MMD2: variants seen among roughly 807,000 people sequenced by gnomAD.
The protein encoded by MMD2 is monocyte to macrophage differentiation factor 2.
MMD2 carries 30 observed loss-of-function variants against 33.5 expected under a neutral mutation model. That is an observed-to-expected ratio of 0.90 (90% CI 0.67 to 1.22). The LOEUF (loss-of-function observed/expected upper bound fraction) is 1.22. Ranked by LOEUF, MMD2 falls within the 50% of genes most tolerant of loss-of-function variation. MMD2 has a pLI of 0.00. For missense variants in MMD2, 364 were observed against 325.4 expected (o/e 1.12, Z -0.91); for synonymous variants, 129 against 123.0 (o/e 1.05, Z -0.32).
At chr7:4,937,410 G>C (rs1165215371) in intron 1 of MMD2, among the ~76,000 whole-genome samples, 1 of 149,988 alleles carries the variant, frequency 6.7e-6, no homozygotes, top group African/African-American at 2.5e-5. Flanking sequence ...AAGAAAAAAA[G>C]AAAGAAAAAG....
intron 1 of MMD2, among the ~76,000 whole-genome samples, chr7:4,934,293 AGGGTTTT>A (rs201478230): frequency 0.11 from 16,484 of 151,738 alleles, 1,159 homozygotes; most frequent in Admixed American, 0.22. Context: ...TAGCGGAGAC[AGGGTTTT>A]GCCATGTTGC....
chr7:4,953,442 C>A (rs1786303006), intron 1 of MMD2, among the ~76,000 whole-genome samples: 1 of 148,046 alleles, frequency 6.8e-6, no homozygotes, highest in African/African-American at 2.5e-5. Flanking sequence ...GAACCCTCAG[C>A]CTGAGTGGTT....
At position 4,940,321 on chromosome 7, in the gene MMD2, G is replaced by A. The variant is rs1785871476; in HGVS notation, c.48-14789C>T. 1.3e-5 allele frequency among the ~76,000 whole-genome samples: 2 copies of A among 152,152 alleles called. No homozygotes were observed. The highest frequency in any genetic ancestry group is 4.1e-4 in the South Asian group (2 of 4,832). On this transcript the variant is annotated intron_variant, in intron 1 of 6. Transcript: ENST00000401401. The surrounding 1 kb of genome is among the most constrained non-coding windows in gnomAD (Gnocchi z 5.0). ...CTCTCTCTGGCCTGACCCAGCTGGGGTCTATGGCCCCCAGAAAGAAGCCTG... is the reference window on the plus strand; with the variant it reads ...CTCTCTCTGGCCTGACCCAGCTGGGATCTATGGCCCCCAGAAAGAAGCCTG...
intron 1 of MMD2, among the ~76,000 whole-genome samples, chr7:4,936,052 G>A (rs1157356233): frequency 6.6e-6 from 1 of 151,778 alleles, no homozygotes; most frequent in Non-Finnish European, 1.5e-5. Flanking sequence ...AGGCGTGGTG[G>A]TGGGCACCTG....
chr7:4,919,275 G>A (rs1785215540), intron 3 of MMD2, among the ~76,000 whole-genome samples: 1 of 152,106 alleles, frequency 6.6e-6, no homozygotes, highest in African/African-American at 2.4e-5. Context: ...CCTCTCAGAA[G>A]CAAGCAAAAC....
chr7:4,955,953 T>G (rs1786371360), intron 1 of MMD2, among the ~76,000 whole-genome samples: 1 of 152,208 alleles, frequency 6.6e-6, no homozygotes. Context: ...CTTGGGAGGC[T>G]GAGGCAGGAG....
At chr7:4,934,261 C>T (rs1329371944) in intron 1 of MMD2, among the ~76,000 whole-genome samples, 1 of 151,612 alleles carries the variant, frequency 6.6e-6, no homozygotes, top group African/African-American at 2.4e-5. Context: ...ACCACCACAC[C>T]CAACTAATTT....
At position 4,946,382 on chromosome 7, in the gene MMD2, T is replaced by C. The variant is rs1327400364; in HGVS notation, c.47+12589A>G. 6.6e-6 allele frequency among the ~76,000 whole-genome samples: 1 copy of C among 152,206 alleles called. No individual in the cohort carries two copies. Among genetic ancestry groups the C allele is most frequent in the African/African-American group, 2.4e-5 (1 of 41,458 alleles). On this transcript the variant is annotated intron_variant, in intron 1 of 6. Coordinates refer to ENST00000401401, the MANE Select transcript of MMD2 (RefSeq NM_198403.4). This position sits in a 1 kb window ranked among gnomAD's most constrained non-coding sequence, Gnocchi z 5.0. ...GCCTTTCTCTGAAAGAAATGAAACC[T>C]TGGCTTTATCTAAGATAATAATGAA... is the stretch of plus-strand genomic sequence containing the variant.
intron 1 of MMD2, among the ~76,000 whole-genome samples, chr7:4,952,640 C>T (rs550593236): frequency 6.6e-6 from 1 of 151,650 alleles, no homozygotes; most frequent in South Asian, 2.1e-4. Flanking sequence ...AGCATGAACC[C>T]TATTGTGAAC....
chr7:4,898,959 TAGGA>T, the MMD2 span, among the ~76,000 whole-genome samples: 9 of 149,628 alleles, frequency 6.0e-5, no homozygotes, highest in African/African-American at 2.2e-4. Context: ...GCAAGCAAGC[TAGGA>T]AGGAAGGAAG....
At chr7:4,915,895 C>G in intron 4 of MMD2, 110 bp downstream of exon 4, 1 of 1,090,472 alleles carries the variant, frequency 9.2e-7, no homozygotes, top group Non-Finnish European at 1.3e-6. Context: ...AGCTTTTAAC[C>G]TAACTCCTTT....
chr7:4,911,852 T>C (rs2115090837), intron 4 of MMD2, among the ~76,000 whole-genome samples: 1 of 152,138 alleles, frequency 6.6e-6, no homozygotes, highest in East Asian at 1.9e-4. Flanking sequence ...TTCTCCATGT[T>C]GGCCAAGCTG....
chr7:4,943,223 C>A (rs1785959713), intron 1 of MMD2, among the ~76,000 whole-genome samples: 1 of 151,296 alleles, frequency 6.6e-6, no homozygotes, highest in African/African-American at 2.4e-5. Flanking sequence ...GTTGGCCAGG[C>A]TGGTCTCAAA....
intron 1 of MMD2, among the ~76,000 whole-genome samples, chr7:4,954,420 T>A (rs1201458865): frequency 6.6e-6 from 1 of 151,332 alleles, no homozygotes. Context: ...GAAACTTAAT[T>A]TTTTTTTCTT....
chr7:4,944,915 C>T (rs929475337), intron 1 of MMD2, among the ~76,000 whole-genome samples: 4 of 151,212 alleles, frequency 2.6e-5, no homozygotes, highest in Non-Finnish European at 5.9e-5. Flanking sequence ...CTACAGGCGC[C>T]CGCCACCATG....
the MMD2 span, among the ~76,000 whole-genome samples, chr7:4,895,705 G>A: frequency 1.3e-5 from 2 of 151,862 alleles, no homozygotes; most frequent in Non-Finnish European, 2.9e-5. Flanking sequence ...TCTGGCTAAT[G>A]TTTGTATTTT....
intron 3 of MMD2, among the ~76,000 whole-genome samples, 192 bp downstream of exon 3, chr7:4,919,979 G>A (rs763468231): frequency 3.3e-5 from 5 of 152,314 alleles, no homozygotes; most frequent in African/African-American, 4.8e-5. Flanking sequence ...AGACTCAACC[G>A]CAGCCTGTTT....
At chr7:4,924,671 A>G (rs889371345) in intron 2 of MMD2, among the ~76,000 whole-genome samples, 6 of 152,262 alleles carry the variant, frequency 3.9e-5, no homozygotes, top group South Asian at 2.1e-4. Context: ...TTTGTTGGGG[A>G]ACATTTCAGC....
At chr7:4,916,849 T>G (rs1352883221) in intron 3 of MMD2, among the ~76,000 whole-genome samples, 1 of 152,014 alleles carries the variant, frequency 6.6e-6, no homozygotes, top group Non-Finnish European at 1.5e-5. Flanking sequence ...GGCAAGAGAA[T>G]TGCTTGAGCT....
Sources: gnomAD v4.1 joint callset for allele counts (sites outside exome capture counted in the v4.1 genomes callset) on GRCh38, gnomAD v4.1.1 for gene constraint, Gnocchi (gnomAD v3.1) non-coding constraint, MANE v1.5 for transcripts, NCBI Gene and HGNC (gene_info 2026-07-23, HGNC 2026-07-21) for gene names.